MECOM: variants seen among roughly 807,000 people sequenced by gnomAD.
The protein encoded by MECOM is MDS1 and EVI1 complex locus.
In MECOM, 13 loss-of-function variants were observed where a neutral mutation model predicts 116.3. The ratio of observed to expected loss-of-function variants is 0.11; its 90% CI spans 0.07 to 0.18. The LOEUF (loss-of-function observed/expected upper bound fraction) is 0.18, where lower values mean the gene tolerates loss of function less well. MECOM is among the 10% of genes least tolerant of loss of function. MECOM has a pLI of 1.00. For missense variants in MECOM, 1,299 were observed against 1,509.0 expected (o/e 0.86, Z 2.31); for synonymous variants, 528 against 535.2 (o/e 0.99, Z 0.19).
intron 1 of MECOM, chr3:169,484,230 A>G: frequency 1.8e-6 from 1 of 545,238 alleles, no homozygotes; most frequent in Non-Finnish European, 3.2e-6. Context: ...TTTATAACAG[A>G]AAGAAAGGAT....
chr3:169,260,086 A>G (rs1223882731), intron 2 of MECOM, among the ~76,000 whole-genome samples: 1 of 152,202 alleles, frequency 6.6e-6, no homozygotes, highest in Admixed American at 6.5e-5. Flanking sequence ...AAATGGGGGA[A>G]ATGTTCATTA....
At chr3:169,595,993 T>A (rs1202514205) in intron 1 of MECOM, among the ~76,000 whole-genome samples, 1 of 152,208 alleles carries the variant, frequency 6.6e-6, no homozygotes, top group East Asian at 1.9e-4. Context: ...ATGTTTATAT[T>A]TTTCTGTTTT....
intron 1 of MECOM, among the ~76,000 whole-genome samples, chr3:169,533,175 GT>G (rs200176210): frequency 8.3e-6 from 1 of 120,028 alleles, no homozygotes; most frequent in Admixed American, 7.5e-5. Flanking sequence ...TGAACTTCAC[GT>G]TTCCTCACAT....
intron 2 of MECOM, among the ~76,000 whole-genome samples, chr3:169,309,052 G>A (rs893384000): frequency 4.6e-5 from 7 of 152,142 alleles, no homozygotes; most frequent in Middle Eastern, 3.2e-3. Context: ...ACATTAAAAC[G>A]TCTGGGTTAA....
intron 2 of MECOM, among the ~76,000 whole-genome samples, chr3:169,342,219 T>A (rs1384378701): frequency 6.6e-6 from 1 of 152,074 alleles, no homozygotes; most frequent in African/African-American, 2.4e-5. Context: ...GTATAATTTA[T>A]ACTTATGGTA....
intron 9 of MECOM, among the ~76,000 whole-genome samples, chr3:169,111,020 C>T (rs1727206004): frequency 6.6e-6 from 1 of 152,218 alleles, no homozygotes; most frequent in Non-Finnish European, 1.5e-5. Context: ...ATACCTACTA[C>T]ATTGCTAACA....
At chr3:169,144,932 A>C in intron 2 of MECOM, 4 of 1,333,504 alleles carry the variant, frequency 3.0e-6, no homozygotes, top group Non-Finnish European at 4.2e-6. Context: ...GAGTACTGAG[A>C]CCAAAAGCAA....
At chr3:169,312,614 G>C (rs1052446446) in intron 2 of MECOM, among the ~76,000 whole-genome samples, 1 of 152,082 alleles carries the variant, frequency 6.6e-6, no homozygotes, top group African/African-American at 2.4e-5. Flanking sequence ...TCCTGACCTC[G>C]TGATCCGCCC....
At chr3:169,120,304 A>G (rs922768174) in intron 7 of MECOM, among the ~76,000 whole-genome samples, 1 of 152,210 alleles carries the variant, frequency 6.6e-6, no homozygotes, top group Non-Finnish European at 1.5e-5. Context: ...GAGTGGGCGG[A>G]GAGAAGAAAA....
intron 1 of MECOM, among the ~76,000 whole-genome samples, chr3:169,392,827 T>C (rs1734435090): frequency 6.6e-6 from 1 of 152,198 alleles, no homozygotes; most frequent in Non-Finnish European, 1.5e-5. Flanking sequence ...GGAAACGCAG[T>C]TGCCATTCAC....
chr3:169,367,059 T>G (rs1172205084), intron 2 of MECOM, among the ~76,000 whole-genome samples: 1 of 152,194 alleles, frequency 6.6e-6, no homozygotes, highest in East Asian at 1.9e-4. Context: ...TAGGTCCTCC[T>G]TTATTAGCCA....
At chr3:169,289,665 A>G (rs1312793736) in intron 2 of MECOM, among the ~76,000 whole-genome samples, 1 of 152,218 alleles carries the variant, frequency 6.6e-6, no homozygotes. Context: ...GGAGAGTTTG[A>G]CTAAAATCAA....
chr3:169,529,217 C>T (rs1758298802), intron 1 of MECOM, among the ~76,000 whole-genome samples: 1 of 152,212 alleles, frequency 6.6e-6, no homozygotes, highest in Non-Finnish European at 1.5e-5. Context: ...GTCTAATAAG[C>T]TCACAATCCA....
intron 3 of MECOM, among the ~76,000 whole-genome samples, chr3:169,143,201 A>G (rs1738659176): frequency 1.3e-5 from 2 of 152,080 alleles, no homozygotes; most frequent in Admixed American, 1.3e-4. Flanking sequence ...TAATTAATCT[A>G]AAAGTAAGTG....
intron 16 of MECOM, among the ~76,000 whole-genome samples, chr3:169,088,303 C>G (rs532806300): frequency 6.6e-6 from 1 of 152,222 alleles, no homozygotes; most frequent in Admixed American, 6.5e-5. Context: ...TATTTTGTAA[C>G]AAAAACACTG....
rs1421115301 is a variant in MECOM, at chr3:169,101,216, T to C, written c.2772-254A>G. On this transcript the variant is annotated intron_variant, in intron 11 of 16. Transcript: ENST00000651503. ...AGCAATTTATGAAAATAGACTTTAG[T>C]TTTGATTACTCCTATACATCTCTCT... Among the ~76,000 whole-genome samples the C allele has an allele frequency of 2.6e-5, 4 of 152,366 alleles. No individual in the cohort carries two copies. The South Asian group carries it at 8.3e-4, about 32-fold the overall frequency.
chr3:169,292,706 G>T (rs993987261), intron 2 of MECOM, among the ~76,000 whole-genome samples: 8 of 152,090 alleles, frequency 5.3e-5, no homozygotes, highest in African/African-American at 1.9e-4. Context: ...GAATTCTGGT[G>T]GTACCATCTC....
chr3:169,115,142 A>AT (rs989842769), intron 8 of MECOM, among the ~76,000 whole-genome samples: 1 of 152,108 alleles, frequency 6.6e-6, no homozygotes, highest in African/African-American at 2.4e-5. Flanking sequence ...AAATAAATTT[A>AT]TTGTCAAGGG....
At chr3:169,143,676 C>T in intron 3 of MECOM, 22 bp downstream of exon 3, 1 of 1,549,038 alleles carries the variant, frequency 6.5e-7, no homozygotes, top group Non-Finnish European at 8.7e-7. Context: ...CAAGGAAAGA[C>T]AAGAAAATCT....
Sources: gnomAD v4.1 joint callset for allele counts (sites outside exome capture counted in the v4.1 genomes callset) on GRCh38, gnomAD v4.1.1 for gene constraint, MANE v1.5 for transcripts, NCBI Gene and HGNC (gene_info 2026-07-23, HGNC 2026-07-21) for gene names.